Variants in NRG1 observed in about 807,000 individuals in gnomAD.
NRG1 encodes pro-neuregulin-1, membrane-bound isoform.
A neutral mutation model predicts 63.8 loss-of-function variants in NRG1; 18 were observed. That is an observed-to-expected ratio of 0.28 (90% CI 0.19 to 0.42). The LOEUF (loss-of-function observed/expected upper bound fraction) is 0.42. Among genes scored for constraint, NRG1 ranks in the 10% least tolerant of loss-of-function variants. NRG1 has a pLI of 1.00. For missense variants in NRG1, 762 were observed against 814.7 expected, an observed-to-expected ratio of 0.94 and a Z score of 0.79; for synonymous variants, 302 against 301.3, an observed-to-expected ratio of 1.00 and a Z score of -0.02.
chr8:31,878,090 C>A (rs1049366617), intron 1 of NRG1, among the ~76,000 whole-genome samples: 1 of 152,126 alleles, frequency 6.6e-6, no homozygotes, highest in Non-Finnish European at 1.5e-5. Context: ...GTGTTTGTGG[C>A]ATTTAAGATA....
At chr8:32,219,875 A>G (rs967639241) in intron 1 of NRG1, among the ~76,000 whole-genome samples, 6 of 152,182 alleles carry the variant, frequency 3.9e-5, no homozygotes, top group Non-Finnish European at 8.8e-5. Context: ...GTAGCCTAAG[A>G]GATTTTTCCA....
intron 1 of NRG1, among the ~76,000 whole-genome samples, chr8:31,883,654 G>A (rs1031609316): frequency 6.6e-6 from 1 of 152,222 alleles, no homozygotes; most frequent in Non-Finnish European, 1.5e-5. Flanking sequence ...AGTAAGGGAG[G>A]TGGGTTAATC....
At chr8:32,651,638 T>C (rs1588986796) in intron 5 of NRG1, among the ~76,000 whole-genome samples, 3 of 152,244 alleles carry the variant, frequency 2.0e-5, no homozygotes. Context: ...TGGGCCAACT[T>C]TGTTTTGCTT....
chr8:32,259,046 G>C lies in NRG1; in HGVS notation c.38-336782G>C, dbSNP rs1319886470. Among the ~76,000 whole-genome samples, 4 of 152,130 alleles carry C rather than the reference G, an allele frequency of 2.6e-5. No homozygotes were observed. In the East Asian group the frequency reaches 5.8e-4, roughly 22 times the overall value. ...AAGAGACCTGCAAATACTTGACTCC[G>C]GGTTATAGACTTGGTAAATCCAAAT... On this transcript the variant is annotated intron_variant, in intron 1 of 10. Transcript: ENST00000519301.
intron 1 of NRG1, among the ~76,000 whole-genome samples, chr8:31,865,264 G>A (rs568681698): frequency 6.6e-6 from 1 of 152,238 alleles, no homozygotes; most frequent in African/African-American, 2.4e-5. Context: ...GACCTGGAAA[G>A]CCAATGACTG....
chr8:32,067,182 C>G (rs1412881465), intron 1 of NRG1, among the ~76,000 whole-genome samples: 1 of 152,148 alleles, frequency 6.6e-6, no homozygotes, highest in Non-Finnish European at 1.5e-5. Context: ...CCCTTTATTT[C>G]CTTCTCCTGT....
intron 1 of NRG1, among the ~76,000 whole-genome samples, chr8:32,539,427 C>T (rs4733353): frequency 0.14 from 21,264 of 152,104 alleles, 1,715 homozygotes; most frequent in Admixed American, 0.25. Flanking sequence ...ATAAAGGCTG[C>T]TTCAGAGGTG....
chr8:32,712,784 T>C (rs752428988), intron 5 of NRG1, among the ~76,000 whole-genome samples: 3 of 152,198 alleles, frequency 2.0e-5, no homozygotes, highest in Non-Finnish European at 2.9e-5. Context: ...ACTGTGGTAG[T>C]GATGGATTTC....
At chr8:32,351,417 C>G (rs1420362490) in intron 1 of NRG1, among the ~76,000 whole-genome samples, 1 of 152,152 alleles carries the variant, frequency 6.6e-6, no homozygotes. Flanking sequence ...CAAAATCTTT[C>G]GGGGTACTTC....
intron 5 of NRG1, among the ~76,000 whole-genome samples, chr8:32,704,407 T>C (rs962005672): frequency 5.3e-5 from 8 of 152,166 alleles, no homozygotes; most frequent in Admixed American, 5.2e-4. Flanking sequence ...ATTGTTCAAG[T>C]GAGTTTGCAG....
At chr8:32,414,277 C>G (rs1409362330) in intron 1 of NRG1, among the ~76,000 whole-genome samples, 3 of 152,106 alleles carry the variant, frequency 2.0e-5, no homozygotes, top group African/African-American at 7.2e-5. Flanking sequence ...GCTGAGATGC[C>G]AGGAAAAACA....
intron 1 of NRG1, among the ~76,000 whole-genome samples, chr8:32,175,693 C>A (rs574770100): frequency 6.6e-6 from 1 of 152,270 alleles, no homozygotes; most frequent in South Asian, 2.1e-4. Context: ...CCATAACAGA[C>A]AAACAGAGAG....
chr8:31,796,717 G>A (rs1394806477), intron 1 of NRG1, among the ~76,000 whole-genome samples: 5 of 152,082 alleles, frequency 3.3e-5, no homozygotes, highest in African/African-American at 4.8e-5. Context: ...GATTACAGGC[G>A]TGAGCCACTG....
At chr8:32,185,136 A>T (rs1841843158) in intron 1 of NRG1, among the ~76,000 whole-genome samples, 2 of 152,190 alleles carry the variant, frequency 1.3e-5, no homozygotes, top group Admixed American at 6.5e-5. Context: ...GTGGGTGCTC[A>T]TGCATGTGTG....
chr8:31,674,252 A>G (rs1211418330), intron 1 of NRG1, among the ~76,000 whole-genome samples: 1 of 152,190 alleles, frequency 6.6e-6, no homozygotes, highest in African/African-American at 2.4e-5. Flanking sequence ...GCAGACATAC[A>G]TTTTAATTCT....
At chr8:32,191,472 C>G (rs188788670) in intron 1 of NRG1, among the ~76,000 whole-genome samples, 1 of 152,088 alleles carries the variant, frequency 6.6e-6, no homozygotes, top group African/African-American at 2.4e-5. Context: ...AGATGTAAAT[C>G]GACTCTTCCC....
intron 1 of NRG1, among the ~76,000 whole-genome samples, chr8:32,286,136 C>T (rs543682661): frequency 3.9e-5 from 6 of 152,310 alleles, no homozygotes; most frequent in Admixed American, 3.3e-4. Context: ...GCGCCTCTAC[C>T]TACTGATGGC....
Position 31,863,598 on chromosome 8 carries a change from T to C in NRG1, c.37+224167T>C, listed in dbSNP as rs538885339. 3.9e-5 allele frequency among the ~76,000 whole-genome samples: 6 copies of C among 152,342 alleles called. No homozygotes were observed. The East Asian group carries it at 1.2e-3, about 29-fold the overall frequency. On this transcript the variant is annotated intron_variant, in intron 1 of 10. Transcript: ENST00000519301. ...ACTAAAAACACCCATAGGTCCATCATATTGGATTAACCACTTATATCCAGC... is the reference window on the plus strand; with the variant it reads ...ACTAAAAACACCCATAGGTCCATCACATTGGATTAACCACTTATATCCAGC...
At chr8:31,821,714 T>C (rs1183848222) in intron 1 of NRG1, among the ~76,000 whole-genome samples, 1 of 152,204 alleles carries the variant, frequency 6.6e-6, no homozygotes, top group Non-Finnish European at 1.5e-5. Flanking sequence ...CAGAGTCTGA[T>C]GTACTTGAAA....
Sources: allele counts gnomAD v4.1 joint callset (sites outside exome capture counted in the v4.1 genomes callset), GRCh38; gene constraint gnomAD v4.1.1; transcripts MANE v1.5; gene names NCBI Gene and HGNC (gene_info 2026-07-23, HGNC 2026-07-21).